MED13: variants seen among roughly 807,000 people sequenced by gnomAD.
The protein encoded by MED13 is mediator of RNA polymerase II transcription subunit 13.
MED13 carries 23 observed loss-of-function variants against 225.2 expected under a neutral mutation model. The observed-to-expected ratio is 0.10, with a 90% CI of 0.07 to 0.14. The LOEUF (loss-of-function observed/expected upper bound fraction) is 0.14. MED13 is among the 10% of genes least tolerant of loss of function. The pLI, the probability that MED13 is intolerant of heterozygous loss-of-function variation, is 1.00. For missense variants in MED13, 2,197 were observed against 2,594.5 expected (o/e 0.85, Z 3.33); for synonymous variants, 942 against 889.2 (o/e 1.06, Z -1.06).
rs763701650 is a variant in MED13, at chr17:61,984,258, G to C, written c.2801C>G (p.Pro934Arg). The C allele has an allele frequency of 6.2e-7, 1 of 1,611,816 alleles. No individual in the cohort carries two copies. Among genetic ancestry groups the C allele is most frequent in the South Asian group, 1.1e-5 (1 of 90,684 alleles). The change falls in exon 15 of 30, where the codon CCA becomes CGA. Residue 934 changes from proline to arginine, a missense_variant. By Grantham distance (103) the Pro-to-Arg change is moderately radical. Transcript: ENST00000397786. ...ACTCTGACGGTAAATACACTCTTCTGGCAATTTGATAGGGGGCAGATATTG... is the reference window on the plus strand; with the variant it reads ...ACTCTGACGGTAAATACACTCTTCTCGCAATTTGATAGGGGGCAGATATTG... ...PSQYLPPIKL[P>R]EECIYRQSWT...
intron 3 of MED13, among the ~76,000 whole-genome samples, chr17:62,047,841 C>T (rs1320785356): frequency 6.6e-6 from 1 of 151,790 alleles, no homozygotes; most frequent in African/African-American, 2.4e-5. Context: ...CATCCTCCCA[C>T]CTCGGCCCCT....
At chr17:61,972,082 T>C (rs1378547642) in intron 17 of MED13, among the ~76,000 whole-genome samples, 1 of 152,214 alleles carries the variant, frequency 6.6e-6, no homozygotes, top group African/African-American at 2.4e-5. Flanking sequence ...ATCTACTACT[T>C]TCATATGTAA....
At chr17:61,965,620 C>T (rs775254327) in intron 19 of MED13, 152 bp from the exon 20 acceptor site, 2 of 712,716 alleles carry the variant, frequency 2.8e-6, no homozygotes, top group South Asian at 4.4e-5. Flanking sequence ...CCTACACTTG[C>T]TTTCTATTTT....
intron 27 of MED13, 79 bp downstream of exon 27, chr17:61,952,886 C>A: frequency 6.8e-7 from 1 of 1,475,366 alleles, no homozygotes; most frequent in South Asian, 1.3e-5. Context: ...CCACCTGCTT[C>A]GCCCTCCCAA....
intron 11 of MED13, among the ~76,000 whole-genome samples, chr17:61,991,879 C>G (rs1438256692): frequency 6.6e-6 from 1 of 152,156 alleles, no homozygotes; most frequent in African/African-American, 2.4e-5. Context: ...CTCCTGACCT[C>G]AAGTGATCCA....
intron 11 of MED13, among the ~76,000 whole-genome samples, chr17:61,991,928 G>C (rs897155172): frequency 6.6e-6 from 1 of 152,204 alleles, no homozygotes; most frequent in African/African-American, 2.4e-5. Flanking sequence ...TTACGGGCGT[G>C]AGCCACGGTG....
At chr17:61,962,075 C>G (rs945634198) in intron 21 of MED13, among the ~76,000 whole-genome samples, 1 of 152,090 alleles carries the variant, frequency 6.6e-6, no homozygotes, top group Non-Finnish European at 1.5e-5. Flanking sequence ...ATCACCAGGT[C>G]AAGAGATAGA....
chr17:61,992,588 A>T lies in MED13; in HGVS notation c.2215T>A (p.Ser739Thr). ...AATGACATAGCATCTTCTTCATGTGATAACACTGTTACACTAGATGTCCCA... is the reference window on the plus strand; with the variant it reads ...AATGACATAGCATCTTCTTCATGTGTTAACACTGTTACACTAGATGTCCCA... ...EDGTSSVTVL[S>T]HEEDAMSLFS... The change falls in exon 11 of 30, where the codon TCA (serine) becomes ACA (threonine). Residue 739 changes from serine to threonine, a missense_variant. Physicochemically the swap from Ser to Thr is moderately conservative, Grantham distance 58. Transcript: ENST00000397786. 1 of 1,611,974 alleles carries T rather than the reference A, an allele frequency of 6.2e-7. No homozygotes were observed. The highest frequency in any genetic ancestry group is 8.5e-7 in the Non-Finnish European group (1 of 1,178,230).
intron 2 of MED13, among the ~76,000 whole-genome samples, chr17:62,054,312 A>C (rs950136561): frequency 1.3e-5 from 2 of 152,108 alleles, no homozygotes; most frequent in Non-Finnish European, 2.9e-5. Context: ...AAAAACAAAC[A>C]AACAAAAAAA....
At chr17:61,979,608 A>T (rs981615071) in intron 16 of MED13, among the ~76,000 whole-genome samples, 3 of 151,938 alleles carry the variant, frequency 2.0e-5, no homozygotes, top group Non-Finnish European at 2.9e-5. Flanking sequence ...TCTGTCAATT[A>T]AAAAAAATTC....
At position 62,010,975 on chromosome 17, in the gene MED13, A is replaced by G. The variant is rs751322593; in HGVS notation, c.1542T>C (p.Asn514=). 2.5e-6 allele frequency: 4 copies of G among 1,613,528 alleles called. No homozygotes were observed. The highest frequency in any genetic ancestry group is 3.4e-6 in the Non-Finnish European group (4 of 1,179,432). Residue 514 remains asparagine (N), a synonymous_variant, in exon 9 of 30, where the codon AAT becomes AAC. Transcript: ENST00000397786. ...GCATCTGAGGAGTCTTTGCTACATCATTAGTTCGGATATTTGAAAATCTCA... is the reference window on the plus strand; with the variant it reads ...GCATCTGAGGAGTCTTTGCTACATCGTTAGTTCGGATATTTGAAAATCTCA... ...SQVRFSNIRT[N]DVAKTPQMHG...
At chr17:61,948,494 G>A (rs1053160286) in intron 28 of MED13, among the ~76,000 whole-genome samples, 1 of 152,022 alleles carries the variant, frequency 6.6e-6, no homozygotes, top group Non-Finnish European at 1.5e-5. Flanking sequence ...GAAATGCTAG[G>A]TAAACTATCT....
intron 18 of MED13, among the ~76,000 whole-genome samples, chr17:61,967,445 T>A (rs2080068588): frequency 6.6e-6 from 1 of 152,164 alleles, no homozygotes; most frequent in South Asian, 2.1e-4. Flanking sequence ...ACATTCAGAT[T>A]GTATAAGGAA....
At chr17:61,956,259 T>C (rs532402264) in intron 24 of MED13, 80 bp downstream of exon 24, 2 of 1,349,958 alleles carry the variant, frequency 1.5e-6, no homozygotes, top group Non-Finnish European at 2.0e-6. Flanking sequence ...TTATTCAACA[T>C]ATATACCTAG....
chr17:62,052,166 C>T (rs370564449), intron 3 of MED13, among the ~76,000 whole-genome samples: 86 of 152,228 alleles, frequency 5.6e-4, no homozygotes, highest in African/African-American at 2.0e-3. Context: ...GATCACTATC[C>T]TTAACAGGTG....
chr17:62,002,822 G>A (rs1002063671), intron 9 of MED13, among the ~76,000 whole-genome samples: 5 of 152,336 alleles, frequency 3.3e-5, no homozygotes, highest in African/African-American at 1.2e-4. Flanking sequence ...CAGTAAACAC[G>A]CTGATCTTTC....
intron 23 of MED13, among the ~76,000 whole-genome samples, chr17:61,956,743 G>A (rs528587993): frequency 2.6e-5 from 4 of 152,158 alleles, no homozygotes; most frequent in African/African-American, 9.6e-5. Flanking sequence ...GTTTCACCGC[G>A]TTAGCCAGGA....
chr17:62,003,599 C>CAAAAAAAAAAAAAGAAAAAAAAAAAAAA (rs2080417328), intron 9 of MED13: 1 of 51,744 alleles, frequency 1.9e-5, no homozygotes, highest in Non-Finnish European at 3.3e-5. Context: ...CAGCAAAACT[C>CAAAAAAAAAAAAAGAAAAAAAAAAAAAA]AAAAAAAAAA....
intron 11 of MED13, among the ~76,000 whole-genome samples, chr17:61,989,189 A>G (rs939729061): frequency 1.3e-5 from 2 of 150,638 alleles, no homozygotes; most frequent in African/African-American, 4.9e-5. Context: ...TTTTTGTATT[A>G]TTAGTAGAGA....
Sources: allele counts gnomAD v4.1 joint callset (sites outside exome capture counted in the v4.1 genomes callset), GRCh38; gene constraint gnomAD v4.1.1; transcripts MANE v1.5; gene names NCBI Gene and HGNC (gene_info 2026-07-23, HGNC 2026-07-21).